CNTNAP2: variants seen among roughly 807,000 people sequenced by gnomAD.
CNTNAP2 encodes contactin associated protein 2.
In CNTNAP2, 98 loss-of-function variants were observed where a neutral mutation model predicts 155.2. That is an observed-to-expected ratio of 0.63 (90% CI 0.54 to 0.75). CNTNAP2 has a LOEUF of 0.75. CNTNAP2 is among the 30% of genes least tolerant of loss of function. CNTNAP2 has a pLI of 0.00. For synonymous variants in CNTNAP2, 651 were observed against 631.2 expected, an observed-to-expected ratio of 1.03 and a Z score of -0.47; for missense variants, 1,727 against 1,688.1, an observed-to-expected ratio of 1.02 and a Z score of -0.40.
At chr7:148,125,468 T>C (rs1804698149) in intron 16 of CNTNAP2, among the ~76,000 whole-genome samples, 1 of 152,154 alleles carries the variant, frequency 6.6e-6, no homozygotes, top group Non-Finnish European at 1.5e-5. Flanking sequence ...CTTCCAGTTA[T>C]AGGTGAGAAT....
At chr7:146,434,662 T>G (rs1244963933) in intron 1 of CNTNAP2, among the ~76,000 whole-genome samples, 1 of 152,156 alleles carries the variant, frequency 6.6e-6, no homozygotes, top group Non-Finnish European at 1.5e-5. Context: ...GAAGATGATA[T>G]TGTTAATAAT....
chr7:147,743,460 T>C (rs1354697294), intron 13 of CNTNAP2, among the ~76,000 whole-genome samples: 1 of 152,158 alleles, frequency 6.6e-6, no homozygotes, highest in Non-Finnish European at 1.5e-5. Context: ...GCTTTGTCTT[T>C]CTTTCTCCTC....
chr7:146,370,186 C>T (rs1795213916), intron 1 of CNTNAP2, among the ~76,000 whole-genome samples: 1 of 145,216 alleles, frequency 6.9e-6, no homozygotes. Flanking sequence ...TTTTGGGAGG[C>T]CGGGGCAGGT....
At chr7:146,682,394 A>C (rs927504531) in intron 1 of CNTNAP2, among the ~76,000 whole-genome samples, 1 of 152,194 alleles carries the variant, frequency 6.6e-6, no homozygotes, top group Non-Finnish European at 1.5e-5. Flanking sequence ...GGAACCGTTT[A>C]TAGTAAGGAC....
intron 3 of CNTNAP2, among the ~76,000 whole-genome samples, chr7:147,032,633 G>T (rs773495248): frequency 6.6e-6 from 1 of 151,472 alleles, no homozygotes; most frequent in Non-Finnish European, 1.5e-5. Flanking sequence ...ATAGTAAAAC[G>T]CTGGAAAGAA....
At chr7:147,767,756 A>T (rs1157014206) in intron 13 of CNTNAP2, among the ~76,000 whole-genome samples, 1 of 152,062 alleles carries the variant, frequency 6.6e-6, no homozygotes, top group African/African-American at 2.4e-5. Flanking sequence ...TCATGTGAGA[A>T]AGAATTGGTG....
intron 2 of CNTNAP2, among the ~76,000 whole-genome samples, chr7:146,792,944 G>A (rs1490256663): frequency 6.6e-6 from 1 of 151,954 alleles, no homozygotes; most frequent in African/African-American, 2.4e-5. Flanking sequence ...AATACATGGT[G>A]AGCCATATAT....
At chr7:148,014,507 T>G (rs1488586392) in intron 15 of CNTNAP2, among the ~76,000 whole-genome samples, 1 of 152,118 alleles carries the variant, frequency 6.6e-6, no homozygotes, top group Non-Finnish European at 1.5e-5. Flanking sequence ...CTTTGGCCAA[T>G]TTTCCTAAAT....
At position 147,726,859 on chromosome 7, in the gene CNTNAP2, A is replaced by G. The variant is rs570127342; in HGVS notation, c.2098+87553A>G. 3.9e-4 allele frequency among the ~76,000 whole-genome samples: 59 copies of G among 152,132 alleles called. 1 individual carries two copies. The South Asian group carries it at 0.012, about 31-fold the overall frequency. ...CAGACTTGCTTCAGCCTCAAAGAGC[A>G]TGTTTATATTATAATTAAATGAGCA... On this transcript the variant is annotated intron_variant, in intron 13 of 23. Transcript: ENST00000361727.
chr7:147,042,056 T>G (rs1799268751), intron 3 of CNTNAP2, among the ~76,000 whole-genome samples: 1 of 148,276 alleles, frequency 6.7e-6, no homozygotes, highest in Non-Finnish European at 1.5e-5. Flanking sequence ...AGAAAATGTC[T>G]TTTTAGAAAT....
chr7:147,550,937 G>A (rs1159645078), intron 11 of CNTNAP2, among the ~76,000 whole-genome samples: 1 of 152,104 alleles, frequency 6.6e-6, no homozygotes, highest in Non-Finnish European at 1.5e-5. Context: ...TGAAAATACT[G>A]GGTAAGGAGA....
At chr7:147,309,834 A>G (rs1429280338) in intron 9 of CNTNAP2, among the ~76,000 whole-genome samples, 1 of 152,180 alleles carries the variant, frequency 6.6e-6, no homozygotes, top group Non-Finnish European at 1.5e-5. Context: ...TTCATCACCC[A>G]GGTGTAATAA....
chr7:148,204,335 G>A (rs1432042193), intron 18 of CNTNAP2, among the ~76,000 whole-genome samples: 2 of 152,214 alleles, frequency 1.3e-5, no homozygotes, highest in Non-Finnish European at 2.9e-5. Flanking sequence ...AGTAGTTGCA[G>A]AGATAACGAG....
intron 20 of CNTNAP2, 150 bp downstream of exon 20, chr7:148,229,929 G>T: frequency 2.4e-6 from 2 of 827,928 alleles, no homozygotes; most frequent in Non-Finnish European, 3.8e-6. Context: ...TAGTGAAGTA[G>T]AAATATATAT....
At chr7:146,211,947 A>G (rs1020471541) in intron 1 of CNTNAP2, among the ~76,000 whole-genome samples, 2 of 152,024 alleles carry the variant, frequency 1.3e-5, no homozygotes, top group Non-Finnish European at 2.9e-5. Context: ...TAATTCATCC[A>G]TAGATAGATA....
At chr7:147,716,266 C>G (rs150455336) in intron 13 of CNTNAP2, among the ~76,000 whole-genome samples, 2,506 of 152,180 alleles carry the variant, frequency 0.016, 224 homozygotes, top group Admixed American at 0.15. Context: ...TGCAGACACA[C>G]AGAGTGAGGT....
chr7:146,712,625 T>A (rs1406055312), intron 1 of CNTNAP2, among the ~76,000 whole-genome samples: 1 of 151,578 alleles, frequency 6.6e-6, no homozygotes. Context: ...TCAAAAAAAC[T>A]AACCCCATGA....
chr7:146,877,613 ATATG>A (rs992117710), intron 3 of CNTNAP2, among the ~76,000 whole-genome samples: 8 of 141,402 alleles, frequency 5.7e-5, no homozygotes, highest in Admixed American at 2.2e-4. Context: ...TGTATACTAT[ATATG>A]TGTGTGTATG....
chr7:146,456,335 G>A (rs1796554861), intron 1 of CNTNAP2, among the ~76,000 whole-genome samples: 1 of 152,070 alleles, frequency 6.6e-6, no homozygotes, highest in Admixed American at 6.6e-5. Flanking sequence ...AAGATTTCCG[G>A]GTCAGTCTGC....
Sources: allele counts gnomAD v4.1 joint callset (sites outside exome capture counted in the v4.1 genomes callset), GRCh38; gene constraint gnomAD v4.1.1; transcripts MANE v1.5; gene names NCBI Gene and HGNC (gene_info 2026-07-23, HGNC 2026-07-21).